Variants in PCNT observed in about 807,000 individuals in gnomAD.
PCNT encodes the protein pericentrin.
In PCNT, 319 loss-of-function variants were observed where a neutral mutation model predicts 380.4. The ratio of observed to expected loss-of-function variants is 0.84; its 90% CI spans 0.77 to 0.92. The LOEUF is 0.92. Among genes scored for constraint, PCNT ranks in the 40% least tolerant of loss-of-function variants. The pLI is 0.00. For missense variants in PCNT, 4,400 were observed against 4,255.3 expected, an observed-to-expected ratio of 1.03 and a Z score of -0.95; for synonymous variants, 1,845 against 1,735.2, an observed-to-expected ratio of 1.06 and a Z score of -1.57.
rs1231866361 is a variant in PCNT, at chr21:46,428,422, C to T, written c.7522C>T (p.His2508Tyr). The T allele has an allele frequency of 1.9e-6, 3 of 1,612,572 alleles. No homozygotes were observed. The highest frequency in any genetic ancestry group is 2.5e-6 in the Non-Finnish European group (3 of 1,179,888). ...QGDLQEKSLEHLRLPDRSSLL... is the reference protein window; with the variant it reads ...QGDLQEKSLEYLRLPDRSSLL... ...AGACCTGCAGGAAAAGTCCCTGGAGCATCTTCGCTTGCCGGACCGGAGCAG... is the reference window on the plus strand; with the variant it reads ...AGACCTGCAGGAAAAGTCCCTGGAGTATCTTCGCTTGCCGGACCGGAGCAG... Residue 2508 changes from histidine (H) to tyrosine (Y), a missense_variant, in exon 35 of 47, where the codon CAT (histidine) becomes TAT (tyrosine). Physicochemically the swap from His to Tyr is moderately conservative, Grantham distance 83. Transcript: ENST00000359568.
At chr21:46,434,031 G>A (rs976582446) in intron 38 of PCNT, among the ~76,000 whole-genome samples, 1 of 152,120 alleles carries the variant, frequency 6.6e-6, no homozygotes, top group Non-Finnish European at 1.5e-5. Flanking sequence ...CGCCCACCTT[G>A]GCCTCCCAAA....
At chr21:46,413,609 T>C (rs2086892682) in intron 29 of PCNT, among the ~76,000 whole-genome samples, 1 of 152,240 alleles carries the variant, frequency 6.6e-6, no homozygotes, top group African/African-American at 2.4e-5. Flanking sequence ...CAAATGGATT[T>C]AACTGTGCTC....
intron 25 of PCNT, among the ~76,000 whole-genome samples, chr21:46,399,999 A>G (rs1351394628): frequency 3.3e-5 from 5 of 152,154 alleles, no homozygotes; most frequent in African/African-American, 4.8e-5. Flanking sequence ...GAGATTGTTG[A>G]TTTTATTTAC....
intron 21 of PCNT, among the ~76,000 whole-genome samples, chr21:46,394,764 A>G (rs578119698): frequency 6.6e-6 from 1 of 152,368 alleles, no homozygotes; most frequent in South Asian, 2.1e-4. Context: ...CCTAAGCTAC[A>G]GTTTGTGCTG....
At chr21:46,327,833 C>A (rs1179901605) in intron 2 of PCNT, among the ~76,000 whole-genome samples, 1 of 152,204 alleles carries the variant, frequency 6.6e-6, no homozygotes, top group Non-Finnish European at 1.5e-5. Flanking sequence ...TGGTGTGTTG[C>A]TGGAGGAGAC....
chr21:46,342,534 C>CT (rs748392645), intron 3 of PCNT, among the ~76,000 whole-genome samples: 5,295 of 142,256 alleles, frequency 0.037, 136 homozygotes, highest in Middle Eastern at 0.083. Context: ...TCAATTCTTT[C>CT]TTTTTTTTTT....
Position 46,376,708 on chromosome 21 carries a change from C to T in PCNT, c.3166-4986C>T, listed in dbSNP as rs2085342295. Among the ~76,000 whole-genome samples, 3 of 152,328 alleles carry T rather than the reference C, an allele frequency of 2.0e-5. No homozygotes were observed. The South Asian group carries it at 6.2e-4, about 32-fold the overall frequency. The stretch of plus-strand genomic sequence containing the variant: ...GACCTCTTACTCCTGGCCCGCTGCC[C>T]CCTCCCTGGCTGTTGGTCCGGATCA... On this transcript the variant is annotated intron_variant, in intron 15 of 46. Transcript: ENST00000359568.
chr21:46,380,699 C>T (rs1294840129), intron 15 of PCNT, among the ~76,000 whole-genome samples: 1 of 152,120 alleles, frequency 6.6e-6, no homozygotes, highest in Non-Finnish European at 1.5e-5. Context: ...CTGTGTTTTC[C>T]ATAAACACTC....
chr21:46,441,650 T>A (rs1252063208), intron 43 of PCNT, among the ~76,000 whole-genome samples: 1 of 152,142 alleles, frequency 6.6e-6, no homozygotes, highest in African/African-American at 2.4e-5. Context: ...TGAGCTCCCC[T>A]GACCGTAGGC....
intron 28 of PCNT, 100 bp from the exon 29 acceptor site, chr21:46,412,737 C>T: frequency 7.8e-7 from 1 of 1,275,810 alleles, no homozygotes; most frequent in East Asian, 2.3e-5. Flanking sequence ...TCTGGCATCC[C>T]TGCTGGCTGC....
chr21:46,433,059 T>C (rs533392213), intron 38 of PCNT, among the ~76,000 whole-genome samples: 2 of 152,352 alleles, frequency 1.3e-5, no homozygotes, highest in East Asian at 3.9e-4. Flanking sequence ...TGGAGTGCAG[T>C]GGCACGAACT....
At chr21:46,441,140 G>A in intron 43 of PCNT, 56 bp downstream of exon 43, 1 of 1,060,526 alleles carries the variant, frequency 9.4e-7, no homozygotes, top group Non-Finnish European at 1.5e-6. Context: ...TGAGTGGGCA[G>A]CACACTGCAT....
At chr21:46,353,665 G>A (rs918644948) in intron 10 of PCNT, among the ~76,000 whole-genome samples, 3 of 151,020 alleles carry the variant, frequency 2.0e-5, no homozygotes, top group Non-Finnish European at 4.4e-5. Flanking sequence ...TGGCAGGGGC[G>A]CTCTCCTCCA....
intron 3 of PCNT, among the ~76,000 whole-genome samples, chr21:46,342,880 C>T (rs757799203): frequency 1.1e-4 from 17 of 152,112 alleles, no homozygotes; most frequent in Non-Finnish European, 2.4e-4. Flanking sequence ...GATTTTTCGC[C>T]TCCTTGGTTA....
At chr21:46,353,743 TGTGTGTGTGAGA>T (rs1370917226) in intron 10 of PCNT, among the ~76,000 whole-genome samples, 6 of 143,232 alleles carry the variant, frequency 4.2e-5, no homozygotes, top group Admixed American at 3.5e-4. Flanking sequence ...TGTGTGTGTG[TGTGTGTGTGAGA>T]GAGACAGAGA....
intron 38 of PCNT, among the ~76,000 whole-genome samples, chr21:46,433,722 A>ATG (rs2087859755): frequency 6.6e-6 from 1 of 152,132 alleles, no homozygotes; most frequent in African/African-American, 2.4e-5. Context: ...TTGCTTCAGG[A>ATG]TGCATCTTGA....
chr21:46,327,131 G>C (rs1469397394), intron 2 of PCNT, among the ~76,000 whole-genome samples: 1 of 151,444 alleles, frequency 6.6e-6, no homozygotes, highest in Non-Finnish European at 1.5e-5. Context: ...CGCGATCTCG[G>C]CTCACTGCAA....
At chr21:46,395,665 G>C (rs1205521327) in intron 21 of PCNT, among the ~76,000 whole-genome samples, 4 of 151,706 alleles carry the variant, frequency 2.6e-5, no homozygotes, top group Non-Finnish European at 5.9e-5. Flanking sequence ...ATAAAATAGA[G>C]ACTTCAGGAT....
At chr21:46,410,032 C>A (rs1884904341) in intron 27 of PCNT, among the ~76,000 whole-genome samples, 1 of 152,206 alleles carries the variant, frequency 6.6e-6, no homozygotes, top group Admixed American at 6.5e-5. Context: ...TTATTTAGTG[C>A]ATTTAGGGAA....
Sources: gnomAD v4.1 joint callset for allele counts (sites outside exome capture counted in the v4.1 genomes callset) on GRCh38, gnomAD v4.1.1 for gene constraint, MANE v1.5 for transcripts, NCBI Gene and HGNC (gene_info 2026-07-23, HGNC 2026-07-21) for gene names.